Variants in RGS20 observed in about 807,000 individuals in gnomAD.
RGS20 encodes the protein regulator of G protein signaling 20.
RGS20 carries 30 observed loss-of-function variants against 33.6 expected under a neutral mutation model. The ratio of observed to expected loss-of-function variants is 0.89; its 90% CI spans 0.67 to 1.21. The LOEUF is 1.21. Ranked by LOEUF, RGS20 falls within the 50% of genes most tolerant of loss-of-function variation. The pLI, the probability that RGS20 is intolerant of heterozygous loss-of-function variation, is 0.00. For missense variants in RGS20, 472 were observed against 502.4 expected, an observed-to-expected ratio of 0.94 and a Z score of 0.58; for synonymous variants, 208 against 197.9, an observed-to-expected ratio of 1.05 and a Z score of -0.43.
intron 2 of RGS20, among the ~76,000 whole-genome samples, chr8:53,901,395 G>A (rs1456930166): frequency 6.6e-6 from 1 of 152,076 alleles, no homozygotes; most frequent in East Asian, 1.9e-4. Flanking sequence ...GTCTCTTTCT[G>A]TTTCATCTCT....
chr8:53,952,512 G>A (rs1482053980), intron 4 of RGS20, among the ~76,000 whole-genome samples: 1 of 151,132 alleles, frequency 6.6e-6, no homozygotes, highest in Non-Finnish European at 1.5e-5. Context: ...GATCACCTGA[G>A]GTCAGGAGTT....
In RGS20 at chr8:53,854,315, A is replaced by G. The variant is rs576630050; in HGVS notation, c.165+2251A>G. Among the ~76,000 whole-genome samples, 3 of 152,334 alleles carry G rather than the reference A, an allele frequency of 2.0e-5. No homozygotes were observed. In the South Asian group the frequency reaches 6.2e-4, roughly 32 times the overall value. ...AAAGACAGCATACAGATGGCAGGAA[A>G]ATACTTTCACCCCCATGTCTGCCAA... On this transcript the variant is annotated intron_variant, in intron 1 of 5. Coordinates refer to ENST00000297313, the MANE Select transcript of RGS20 (RefSeq NM_170587.4).
At chr8:53,863,727 C>CTT (rs370117372) in intron 1 of RGS20, among the ~76,000 whole-genome samples, 51 of 129,206 alleles carry the variant, frequency 3.9e-4, no homozygotes, top group South Asian at 9.9e-4. Context: ...TTTGTTTTAT[C>CTT]TTTTTTTTTT....
chr8:53,898,970 C>A (rs1812939610), intron 2 of RGS20, among the ~76,000 whole-genome samples: 1 of 152,194 alleles, frequency 6.6e-6, no homozygotes, highest in South Asian at 2.1e-4. Flanking sequence ...GCATGATGGT[C>A]AGGGAAACTA....
At chr8:53,919,399 T>A (rs1813583181) in intron 2 of RGS20, among the ~76,000 whole-genome samples, 1 of 150,990 alleles carries the variant, frequency 6.6e-6, no homozygotes, top group Non-Finnish European at 1.5e-5. Context: ...TGGAGTGCAA[T>A]GGCACAATCT....
chr8:53,957,681 G>C (rs1369327356), intron 5 of RGS20, among the ~76,000 whole-genome samples: 1 of 152,228 alleles, frequency 6.6e-6, no homozygotes, highest in Non-Finnish European at 1.5e-5. Flanking sequence ...GAAATAACAA[G>C]CATCAGGGGC....
intron 2 of RGS20, among the ~76,000 whole-genome samples, chr8:53,927,706 A>G (rs1438278112): frequency 6.6e-6 from 1 of 152,216 alleles, no homozygotes; most frequent in Admixed American, 6.5e-5. Context: ...AAAAAAGGAG[A>G]GAAGAGCACT....
intron 2 of RGS20, among the ~76,000 whole-genome samples, chr8:53,931,552 AAACAACAACAACAACAACAAC>A (rs147351535): frequency 1.3e-5 from 2 of 150,592 alleles, no homozygotes; most frequent in African/African-American, 2.4e-5. Flanking sequence ...CAAAACTCCA[AAACAACAACAACAACAACAAC>A]AACAACAACA....
intron 3 of RGS20, among the ~76,000 whole-genome samples, chr8:53,940,688 A>G (rs1265272148): frequency 6.6e-6 from 1 of 152,180 alleles, no homozygotes; most frequent in Non-Finnish European, 1.5e-5. Context: ...ACAGCAATAG[A>G]ACATCCACCA....
At chr8:53,927,501 A>T (rs1044843018) in intron 2 of RGS20, among the ~76,000 whole-genome samples, 1 of 152,100 alleles carries the variant, frequency 6.6e-6, no homozygotes, top group Admixed American at 6.6e-5. Flanking sequence ...CACCATGTCC[A>T]GCCCTCAGGC....
chr8:53,864,864 G>T (rs1057047834), intron 1 of RGS20, among the ~76,000 whole-genome samples: 3 of 152,038 alleles, frequency 2.0e-5, no homozygotes, highest in African/African-American at 7.2e-5. Context: ...ATTCTGAATG[G>T]CCCCTAAAAT....
chr8:53,881,557 A>G (rs1450190615), intron 2 of RGS20, among the ~76,000 whole-genome samples: 2 of 151,840 alleles, frequency 1.3e-5, no homozygotes, highest in African/African-American at 2.4e-5. Context: ...GGGAAGGGTA[A>G]GGAGACAGAG....
intron 2 of RGS20, among the ~76,000 whole-genome samples, chr8:53,884,700 C>A (rs907288220): frequency 6.6e-6 from 1 of 152,158 alleles, no homozygotes; most frequent in Non-Finnish European, 1.5e-5. Flanking sequence ...TTCCTGTTTA[C>A]TACGGATTAA....
intron 4 of RGS20, among the ~76,000 whole-genome samples, chr8:53,947,808 AG>A (rs1186012243): frequency 1.5e-5 from 2 of 135,044 alleles, no homozygotes. Flanking sequence ...TGCTATATAT[AG>A]GATATAGTAT....
intron 2 of RGS20, among the ~76,000 whole-genome samples, chr8:53,889,223 T>A (rs146186873): frequency 6.6e-6 from 1 of 152,230 alleles, no homozygotes; most frequent in East Asian, 1.9e-4. Context: ...CCCATTTAAC[T>A]TTAGTCATTC....
chr8:53,920,260 ATTATT>A (rs1252789041), intron 2 of RGS20, among the ~76,000 whole-genome samples: 7 of 152,052 alleles, frequency 4.6e-5, no homozygotes, highest in African/African-American at 1.2e-4. Flanking sequence ...TTTATTTCTA[ATTATT>A]TTATTCTTTT....
At chr8:53,932,744 G>C (rs534094079) in intron 2 of RGS20, among the ~76,000 whole-genome samples, 18 of 152,346 alleles carry the variant, frequency 1.2e-4, no homozygotes, top group Admixed American at 2.6e-4. Flanking sequence ...GAGAGCAGCA[G>C]ATCTCCCAGC....
At chr8:53,854,537 C>T (rs1183262152) in intron 1 of RGS20, among the ~76,000 whole-genome samples, 6 of 151,616 alleles carry the variant, frequency 4.0e-5, no homozygotes, top group Non-Finnish European at 8.8e-5. Context: ...CACTACACAC[C>T]GAGAAGAATA....
At chr8:53,931,294 C>T (rs1813952068) in intron 2 of RGS20, among the ~76,000 whole-genome samples, 2 of 152,172 alleles carry the variant, frequency 1.3e-5, no homozygotes, top group Non-Finnish European at 2.9e-5. Context: ...CAGTGGCTCA[C>T]GCCTGTAATC....
Sources: gnomAD v4.1 joint callset for allele counts (sites outside exome capture counted in the v4.1 genomes callset) on GRCh38, gnomAD v4.1.1 for gene constraint, MANE v1.5 for transcripts, NCBI Gene and HGNC (gene_info 2026-07-23, HGNC 2026-07-21) for gene names.